Variants in HMG20A observed in about 807,000 individuals in gnomAD.
HMG20A encodes the protein high mobility group 20A.
Under a neutral mutation model 43.9 loss-of-function variants are expected in HMG20A, and 17 were observed. The ratio of observed to expected loss-of-function variants is 0.39; its 90% confidence interval spans 0.27 to 0.58. The LOEUF is 0.58. HMG20A is among the 20% of genes least tolerant of loss of function. The probability of loss-of-function intolerance (pLI) is 0.59; values close to 1 mark genes in which losing one functional copy is unlikely to be tolerated. For missense variants in HMG20A, 341 were observed against 438.2 expected, an observed-to-expected ratio of 0.78 and a Z score of 1.98; for synonymous variants, 132 against 147.5, an observed-to-expected ratio of 0.89 and a Z score of 0.76.
In HMG20A at chr15:77,467,097, A is replaced by G; in HGVS notation, c.240A>G (p.Gln80=). The G allele has an allele frequency of 6.2e-7, 1 of 1,611,654 alleles. No individual in the cohort carries two copies. The highest frequency in any genetic ancestry group is 8.5e-7 in the Non-Finnish European group (1 of 1,178,548). The part of the protein sequence containing the change: ...EGNEQRHEDE[Q]RSKRGGWSKG... ...TTTTATTTTGTTTTGTTTTGTAGCA[A>G]CGAAGTAAACGAGGAGGTTGGTCCA... The change falls in exon 4 of 10, where the codon CAA becomes CAG. Residue 80 remains glutamine (Q), a splice_region_variant and synonymous_variant. Coordinates refer to ENST00000336216, the MANE Select transcript of HMG20A (RefSeq NM_001304504.2).
At chr15:77,438,882 C>T (rs749932073) in intron 1 of HMG20A, among the ~76,000 whole-genome samples, 10 of 152,168 alleles carry the variant, frequency 6.6e-5, no homozygotes, top group Non-Finnish European at 1.2e-4. Context: ...GCTCCGCCTC[C>T]CTGGTTCACA....
the HMG20A span, among the ~76,000 whole-genome samples, chr15:77,509,748 A>C: frequency 2.0e-5 from 3 of 151,816 alleles, no homozygotes; most frequent in South Asian, 6.2e-4. Context: ...TCTACTAAAA[A>C]TACAGAAAAT....
In HMG20A at chr15:77,479,287, G is replaced by C. The variant is rs776151929; in HGVS notation, c.1016G>C (p.Arg339Pro). Reference sequence around the variant, plus strand: ...AATGAAAACTTCATAGCTACAGTTCGAGAAGTTGTGAACAGACTCGATCGT... The same window carrying C: ...AATGAAAACTTCATAGCTACAGTTCCAGAAGTTGTGAACAGACTCGATCGT... ...QDNENFIATV[R>P]EVVNRLDR Residue 339 changes from arginine (R) to proline (P), a missense_variant, in exon 9 of 10, where the codon CGA becomes CCA. Physicochemically the swap from Arg to Pro is moderately radical, Grantham distance 103. Around this residue, in one of 3 missense-constraint regions of HMG20A, gnomAD observed 118 missense variants for 154.5 expected, o/e 0.76. Coordinates refer to ENST00000336216, the MANE Select transcript of HMG20A (RefSeq NM_001304504.2). 1.2e-6 allele frequency: 2 copies of C among 1,613,952 alleles called. No homozygotes were observed. Among genetic ancestry groups the C allele is most frequent in the East Asian group, 2.2e-5 (1 of 44,878 alleles).
intron 1 of HMG20A, among the ~76,000 whole-genome samples, chr15:77,448,593 A>G (rs2073701038): frequency 6.6e-6 from 1 of 151,826 alleles, no homozygotes; most frequent in Admixed American, 6.6e-5. Context: ...ATCATTATTC[A>G]TTTTACTTAT....
At chr15:77,449,597 A>G (rs1053649558) in intron 1 of HMG20A, among the ~76,000 whole-genome samples, 4 of 152,162 alleles carry the variant, frequency 2.6e-5, no homozygotes, top group African/African-American at 4.8e-5. Flanking sequence ...AATAAAATAC[A>G]TAATTATAAT....
intron 3 of HMG20A, among the ~76,000 whole-genome samples, chr15:77,466,850 G>T (rs551335029): frequency 1.3e-5 from 2 of 152,198 alleles, no homozygotes; most frequent in African/African-American, 2.4e-5. Context: ...TAGCCCTTTA[G>T]TGTAACATTT....
At chr15:77,471,998 G>T (rs2072813799) in intron 6 of HMG20A, among the ~76,000 whole-genome samples, 184 bp downstream of exon 6, 1 of 151,766 alleles carries the variant, frequency 6.6e-6, no homozygotes, top group African/African-American at 2.4e-5. Flanking sequence ...TTGTGTGTCT[G>T]TCATTGAACT....
chr15:77,437,817 C>T (rs2073565437), intron 1 of HMG20A, among the ~76,000 whole-genome samples: 1 of 152,032 alleles, frequency 6.6e-6, no homozygotes, highest in Admixed American at 6.6e-5. Flanking sequence ...CAGATGATCT[C>T]CCTGCCTCGG....
At chr15:77,463,408 T>A (rs1444752775) in intron 2 of HMG20A, among the ~76,000 whole-genome samples, 1 of 152,232 alleles carries the variant, frequency 6.6e-6, no homozygotes, top group African/African-American at 2.4e-5. Flanking sequence ...TCTTTCAGAA[T>A]AATGACTGAA....
At chr15:77,437,017 G>A (rs935126694) in intron 1 of HMG20A, among the ~76,000 whole-genome samples, 8 of 152,010 alleles carry the variant, frequency 5.3e-5, no homozygotes, top group Non-Finnish European at 7.4e-5. Flanking sequence ...TTCCTCCAAA[G>A]CATCAAGTTC....
intron 1 of HMG20A, among the ~76,000 whole-genome samples, chr15:77,446,401 G>A (rs1357853041): frequency 1.3e-5 from 2 of 151,566 alleles, no homozygotes; most frequent in Non-Finnish European, 1.5e-5. Context: ...ATGATAAACT[G>A]AAAAACATTG....
chr15:77,506,247 A>C, the HMG20A span, among the ~76,000 whole-genome samples: 1 of 152,046 alleles, frequency 6.6e-6, no homozygotes, highest in African/African-American at 2.4e-5. Flanking sequence ...TCCCACCCCG[A>C]TCCCAGCCAA....
chr15:77,449,033 A>C (rs1243611949), intron 1 of HMG20A, among the ~76,000 whole-genome samples: 1 of 152,148 alleles, frequency 6.6e-6, no homozygotes, highest in African/African-American at 2.4e-5. Context: ...TGGGCAACAG[A>C]GTGAGGCTCG....
At chr15:77,496,756 A>G in the HMG20A span, among the ~76,000 whole-genome samples, 1 of 152,230 alleles carries the variant, frequency 6.6e-6, no homozygotes, top group African/African-American at 2.4e-5. Flanking sequence ...GACCAAGCCC[A>G]AGACTCAGAT....
At chr15:77,462,488 C>T (rs1245051907) in intron 2 of HMG20A, among the ~76,000 whole-genome samples, 1 of 152,072 alleles carries the variant, frequency 6.6e-6, no homozygotes, top group East Asian at 1.9e-4. Context: ...TATCTTTATG[C>T]CCTTTTGTTC....
chr15:77,507,109 G>A, the HMG20A span, among the ~76,000 whole-genome samples: 3 of 152,226 alleles, frequency 2.0e-5, no homozygotes, highest in African/African-American at 7.2e-5. Context: ...CTGCCTGACT[G>A]TCTTCAAGCT....
chr15:77,464,709 G>T lies in HMG20A; in HGVS notation c.237+322G>T, dbSNP rs960690386. 2.9e-5 allele frequency: 6 copies of T among 206,652 alleles called. No individual in the cohort carries two copies. In the South Asian group the frequency reaches 3.5e-4, roughly 12 times the overall value. 12.8% of individuals were successfully genotyped at this position (206,652 alleles called of 1,614,324 possible). A position where few individuals can be genotyped will look rare whatever the true frequency, so the allele number is the denominator to read the frequency against. On this transcript the variant is annotated intron_variant, in intron 3 of 9. Transcript: ENST00000336216. ...AGAAGTGTACATGCCCTTGCTCAAGGCTCTGCTCAGCAAGCCCTGCTGCAT... is the reference window on the plus strand; with the variant it reads ...AGAAGTGTACATGCCCTTGCTCAAGTCTCTGCTCAGCAAGCCCTGCTGCAT...
intron 1 of HMG20A, among the ~76,000 whole-genome samples, chr15:77,442,966 T>A (rs2073629034): frequency 6.6e-6 from 1 of 151,760 alleles, no homozygotes; most frequent in African/African-American, 2.4e-5. Flanking sequence ...AGGTTGAGTT[T>A]AAAACAAAGA....
chr15:77,501,413 C>T, the HMG20A span, among the ~76,000 whole-genome samples: 3 of 152,206 alleles, frequency 2.0e-5, no homozygotes, highest in Non-Finnish European at 4.4e-5. Context: ...TGATTTCCTC[C>T]CTTCTTTTAA....
Sources: gnomAD v4.1 joint callset for allele counts (sites outside exome capture counted in the v4.1 genomes callset) on GRCh38, gnomAD v4.1.1 for gene constraint, gnomAD v4.1.1 regional missense constraint, MANE v1.5 for transcripts, NCBI Gene and HGNC (gene_info 2026-07-23, HGNC 2026-07-21) for gene names.